CHEK2: variants seen among roughly 807,000 people sequenced by gnomAD.
CHEK2 encodes serine/threonine-protein kinase Chk2.
A neutral mutation model predicts 69.1 loss-of-function variants in CHEK2; 71 were observed. The observed-to-expected ratio is 1.03, with a 90% CI of 0.85 to 1.25. The LOEUF (loss-of-function observed/expected upper bound fraction) is 1.25. Ranked by LOEUF, CHEK2 falls within the 50% of genes most tolerant of loss-of-function variation. CHEK2 has a pLI of 0.00. For synonymous variants in CHEK2, 189 were observed against 226.9 expected (o/e 0.83, Z 1.50); for missense variants, 664 against 649.6 (o/e 1.02, Z -0.24).
intron 13 of CHEK2, among the ~76,000 whole-genome samples, chr22:28,692,435 G>A (rs375809744): frequency 1.3e-5 from 2 of 152,062 alleles, no homozygotes; most frequent in African/African-American, 4.8e-5. Context: ...GGAGACTGTA[G>A]TTTCCAGGGC....
intron 2 of CHEK2, chr22:28,730,426 T>A (rs780449343): frequency 1.5e-6 from 1 of 671,688 alleles, no homozygotes; most frequent in South Asian, 1.6e-5. Flanking sequence ...ATACTTAGAC[T>A]GCAAACTGGC....
At chr22:28,710,149 C>A in intron 6 of CHEK2, 90 bp from the exon 7 acceptor site, 1 of 883,902 alleles carries the variant, frequency 1.1e-6, no homozygotes, top group South Asian at 1.4e-5. Flanking sequence ...TGACTCAAGG[C>A]TGCCTGAGTT....
chr22:28,727,570 A>G (rs1050167681), intron 2 of CHEK2, among the ~76,000 whole-genome samples: 1 of 152,204 alleles, frequency 6.6e-6, no homozygotes, highest in African/African-American at 2.4e-5. Flanking sequence ...TTAAATGTTC[A>G]TTGCAAGGCA....
chr22:28,737,409 A>G, intron 1 of CHEK2: 1 of 383,964 alleles, frequency 2.6e-6, no homozygotes, highest in Non-Finnish European at 5.3e-6. Context: ...ATTATTAAAT[A>G]TAAGGGTGAC....
chr22:28,708,363 A>ATGTGTGTGTG (rs10694007), intron 7 of CHEK2, among the ~76,000 whole-genome samples: 15,580 of 139,166 alleles, frequency 0.11, 1,006 homozygotes, highest in Admixed American at 0.18. Flanking sequence ...CTCTAAAAAT[A>ATGTGTGTGTG]TGTGTGTGTG....
At position 28,699,623 on chromosome 22, in the gene CHEK2, A is replaced by T. The variant is rs540438136; in HGVS notation, c.1008+215T>A. 6 of 552,958 alleles carry T rather than the reference A, an allele frequency of 1.1e-5. No individual in the cohort carries two copies. The South Asian group carries it at 1.2e-4, about 11-fold the overall frequency. 34.3% of individuals were successfully genotyped at this position (552,958 alleles called of 1,614,324 possible). On this transcript the variant is annotated intron_variant, in intron 9 of 14. Transcript: ENST00000404276. ...CGTGATCCGCCCGCTTGGCCTCCCA[A>T]AATGCTGGGATTATGGGCATGAACC...
intron 7 of CHEK2, among the ~76,000 whole-genome samples, chr22:28,709,424 T>C (rs1007579376): frequency 2.0e-5 from 3 of 152,192 alleles, no homozygotes; most frequent in Non-Finnish European, 2.9e-5. Context: ...ATAATTGCTA[T>C]ATGTTTTGGT....
In CHEK2 at chr22:28,725,225, T is replaced by C. The variant is rs753667121; in HGVS notation, c.444+18A>G. ...CAAATTACCAGCTCTCCTAGATACA[T>C]GGGTATTCATTACCTACCCTGAAAA... On this transcript the variant is annotated intron_variant, in intron 3 of 14. Coordinates refer to ENST00000404276, the MANE Select transcript of CHEK2 (RefSeq NM_007194.4). 2.5e-6 allele frequency: 4 copies of C among 1,613,998 alleles called. No homozygotes were observed. The highest frequency in any genetic ancestry group is 3.4e-6 in the Non-Finnish European group (4 of 1,179,910).
At chr22:28,720,391 A>G (rs1345667500) in intron 4 of CHEK2, among the ~76,000 whole-genome samples, 1 of 144,100 alleles carries the variant, frequency 6.9e-6, no homozygotes, top group Non-Finnish European at 1.5e-5. Flanking sequence ...GTGCCCAGCC[A>G]AAAAAAAAAA....
Position 28,696,957 on chromosome 22 carries a change from C to A in CHEK2, c.1039G>T (p.Asp347Tyr). 2 of 1,613,368 alleles carry A rather than the reference C, an allele frequency of 1.2e-6. No individual in the cohort carries two copies. The highest frequency in any genetic ancestry group is 2.2e-5 in the South Asian group (2 of 91,034). The change falls in exon 10 of 15, where the codon GAC becomes TAC. Residue 347 changes from aspartate to tyrosine, a missense_variant. Asp to Tyr is a radical substitution (Grantham distance 160, BLOSUM62 -3). Coordinates refer to ENST00000404276, the MANE Select transcript of CHEK2 (RefSeq NM_007194.4). ...YLHENGIIHR[D>Y]LKPENVLLSS... ...AGTAAAACATTCTCTGGCTTTAAGT[C>A]ACGGTGTATAATACCGTTTTCATGA...
chr22:28,701,508 A>G lies in CHEK2; in HGVS notation c.909-1571T>C, dbSNP rs776923543. ...ATTACAGGTGTGAGCCACCACACCC[A>G]GCCTGTTGTCTATACAGTCTTAATG... On this transcript the variant is annotated intron_variant, in intron 8 of 14. Transcript: ENST00000404276. 2.0e-4 allele frequency among the ~76,000 whole-genome samples: 30 copies of G among 152,284 alleles called. No individual in the cohort carries two copies. In the Middle Eastern group the frequency reaches 0.014, roughly 69 times the overall value.
intron 7 of CHEK2, among the ~76,000 whole-genome samples, chr22:28,708,189 T>C (rs533947892): frequency 6.6e-6 from 1 of 151,906 alleles, no homozygotes; most frequent in African/African-American, 2.4e-5. Context: ...CCCCAGAAAA[T>C]TGGAGGGCTC....
chr22:28,724,157 C>T (rs941221512), intron 4 of CHEK2, among the ~76,000 whole-genome samples: 10 of 152,138 alleles, frequency 6.6e-5, no homozygotes, highest in African/African-American at 2.4e-4. Context: ...CCTGTAATCC[C>T]AGCACTTTGG....
intron 1 of CHEK2, among the ~76,000 whole-genome samples, chr22:28,738,577 A>G (rs980079438): frequency 6.6e-6 from 1 of 152,180 alleles, no homozygotes; most frequent in Non-Finnish European, 1.5e-5. Context: ...TCTGGGAGCT[A>G]TTGCTATTGG....
chr22:28,691,154 G>C (rs28613006), intron 13 of CHEK2, among the ~76,000 whole-genome samples: 25,680 of 150,598 alleles, frequency 0.17, 1,715 homozygotes, highest in Non-Finnish European at 0.24. Context: ...GCCAAACAGA[G>C]TGGTCACAAG....
intron 1 of CHEK2, among the ~76,000 whole-genome samples, chr22:28,735,564 G>A (rs1226506987): frequency 6.6e-6 from 1 of 152,098 alleles, no homozygotes. Flanking sequence ...GTAATTACAT[G>A]AGATATTTAA....
chr22:28,716,992 C>G (rs1047923220), intron 5 of CHEK2, among the ~76,000 whole-genome samples: 2 of 152,192 alleles, frequency 1.3e-5, no homozygotes, highest in African/African-American at 4.8e-5. Context: ...ATCTAGCCAT[C>G]TTCTAACTAA....
At position 28,695,158 on chromosome 22, in the gene CHEK2, A is replaced by G. The variant is rs786201687; in HGVS notation, c.1344T>C (p.Ile448=). Residue 448 remains isoleucine, a synonymous_variant, in exon 12 of 15, where the codon ATT becomes ATC. Transcript: ENST00000404276. The stretch of plus-strand genomic sequence containing the variant: ...CTGAGACTTCTGCCCAGACTTCAGG[A>G]ATGAAGTTGTATTTTCCACTGGTGA... ...DQITSGKYNF[I]PEVWAEVSEK... 6.2e-7 allele frequency: 1 copy of G among 1,612,118 alleles called. No homozygotes were observed. Among genetic ancestry groups the G allele is most frequent in the Non-Finnish European group, 8.5e-7 (1 of 1,178,288 alleles).
At chr22:28,728,107 G>C (rs1342286956) in intron 2 of CHEK2, 1 of 152,202 alleles carries the variant, frequency 6.6e-6, no homozygotes, top group Admixed American at 6.5e-5. Context: ...TCCAGAGTGA[G>C]AGTGAGACCC....
Sources: allele counts gnomAD v4.1 joint callset (sites outside exome capture counted in the v4.1 genomes callset), GRCh38; gene constraint gnomAD v4.1.1; transcripts MANE v1.5; gene names NCBI Gene and HGNC (gene_info 2026-07-23, HGNC 2026-07-21).